Variants in MFSD11 observed in about 807,000 individuals in gnomAD.
The protein encoded by MFSD11 is major facilitator superfamily domain containing 11, also known as UNC93-like protein MFSD11.
In MFSD11, 36 loss-of-function variants were observed where a neutral mutation model predicts 53.5. That is an observed-to-expected ratio of 0.67 (90% CI 0.52 to 0.89). MFSD11 has a LOEUF of 0.89. Among genes scored for constraint, MFSD11 ranks in the 40% least tolerant of loss-of-function variants. The pLI is 0.00. For synonymous variants in MFSD11, 186 were observed against 184.9 expected (o/e 1.01, Z -0.05); for missense variants, 530 against 543.9 (o/e 0.97, Z 0.25).
chr17:76,769,412 C>T (rs1342341174), intron 9 of MFSD11: 1 of 171,938 alleles, frequency 5.8e-6, no homozygotes, highest in East Asian at 1.7e-4. Flanking sequence ...TTTGTTGTCT[C>T]TATTTATAAG....
chr17:76,784,912 A>G (rs533466840), downstream of MFSD11, among the ~76,000 whole-genome samples: 7 of 152,320 alleles, frequency 4.6e-5, no homozygotes, highest in South Asian at 1.5e-3. Context: ...AACAAAACAA[A>G]ACAAAAAAAC....
chr17:76,768,465 C>T (rs77684571), intron 9 of MFSD11, among the ~76,000 whole-genome samples: 2,307 of 152,114 alleles, frequency 0.015, 57 homozygotes, highest in African/African-American at 0.052. Context: ...TTATGTGCCT[C>T]ATAGATACAA....
At chr17:76,767,171 T>G in intron 8 of MFSD11, 3 of 429,582 alleles carry the variant, frequency 7.0e-6, no homozygotes, top group Non-Finnish European at 1.2e-5. Flanking sequence ...GCTGAGGAAA[T>G]GCATCTGTAG....
intron 8 of MFSD11, among the ~76,000 whole-genome samples, chr17:76,759,665 A>G (rs2080002116): frequency 6.7e-6 from 1 of 148,218 alleles, no homozygotes; most frequent in Admixed American, 6.8e-5. Context: ...CACTGTGTTA[A>G]CCAGGATGGT....
chr17:76,737,525 G>C (rs2077584407), upstream of MFSD11: 3 of 292,606 alleles, frequency 1.0e-5, no homozygotes, highest in Non-Finnish European at 1.3e-5. Context: ...CACGGCTGGA[G>C]GGAGGGGGAG....
rs990080367 is a variant in MFSD11, at chr17:76,768,616, G to T, written c.749-1130G>T. The stretch of plus-strand genomic sequence containing the variant: ...GGAATTTTCTTTTCCTAGAAAAAGG[G>T]GTTTAATTAAAACATTATGGTGCTT... On this transcript the variant is annotated intron_variant, in intron 9 of 12. Transcript: ENST00000685175. Among the ~76,000 whole-genome samples, 6 of 151,888 alleles carry T rather than the reference G, an allele frequency of 4.0e-5. No homozygotes were observed. The South Asian group carries it at 6.2e-4, about 16-fold the overall frequency.
downstream of MFSD11, among the ~76,000 whole-genome samples, chr17:76,782,467 G>T (rs556826719): frequency 9.2e-5 from 10 of 108,926 alleles, no homozygotes; most frequent in South Asian, 3.4e-3. Flanking sequence ...GAGCCACCGC[G>T]CCCAGGCTTT....
chr17:76,744,103 G>A (rs977552947), intron 6 of MFSD11, among the ~76,000 whole-genome samples: 2 of 152,192 alleles, frequency 1.3e-5, no homozygotes, highest in African/African-American at 2.4e-5. Context: ...AGGCGATTAA[G>A]CCCTTGTGCT....
At chr17:76,803,254 T>A in the MFSD11 span, among the ~76,000 whole-genome samples, 1 of 152,198 alleles carries the variant, frequency 6.6e-6, no homozygotes, top group Admixed American at 6.6e-5. Flanking sequence ...GAAAGAGATC[T>A]GACCTAACCA....
intron 7 of MFSD11, among the ~76,000 whole-genome samples, chr17:76,748,901 A>C (rs1598541753): frequency 1.0e-4 from 15 of 146,694 alleles, no homozygotes; most frequent in South Asian, 2.2e-4. Context: ...CCTCTCTCCC[A>C]CCCTCCCTTC....
Position 76,779,254 on chromosome 17 carries a change from C to CAAAAAAAAAAAAAAA in MFSD11, c.*908_*922dup, listed in dbSNP as rs943666105. 1 of 48,866 alleles carries CAAAAAAAAAAAAAAA rather than the reference C, an allele frequency of 2.0e-5. No individual in the cohort carries two copies. Among genetic ancestry groups the CAAAAAAAAAAAAAAA allele is most frequent in the African/African-American group, 7.1e-5 (1 of 14,048 alleles). The allele number at this position is 48,866 out of a possible 1,614,324, so 3.0% of individuals were successfully genotyped here. On this transcript the variant is annotated 3_prime_UTR_variant, in exon 13 of 13. Transcript: ENST00000685175. ...GGATGACAAGAGTGAAACTCCATCT[C>CAAAAAAAAAAAAAAA]AAAAAAAAAAAAAAAAAAAAGAAAA...
At position 76,761,698 on chromosome 17, in the gene MFSD11, G is replaced by A. The variant is rs532313439; in HGVS notation, c.683-5688G>A. ...AGCACTTTGGGAGGCCGAGGCGGGCGGATCATGAGGTCAGGAGATCAACAC... is the reference window on the plus strand; with the variant it reads ...AGCACTTTGGGAGGCCGAGGCGGGCAGATCATGAGGTCAGGAGATCAACAC... On this transcript the variant is annotated intron_variant, in intron 8 of 12. Coordinates refer to ENST00000685175, the MANE Select transcript of MFSD11 (RefSeq NM_001242532.5). 1.8e-3 allele frequency among the ~76,000 whole-genome samples: 269 copies of A among 152,054 alleles called. 2 individuals carry two copies. The highest frequency in any genetic ancestry group is 3.6e-3 in the Admixed American group (55 of 15,266).
chr17:76,761,036 T>G (rs2080176718), intron 8 of MFSD11, among the ~76,000 whole-genome samples: 1 of 151,954 alleles, frequency 6.6e-6, no homozygotes, highest in African/African-American at 2.4e-5. Flanking sequence ...AAACCCCATC[T>G]CTACTAAAAA....
chr17:76,784,219 C>G (rs1206312836), downstream of MFSD11, among the ~76,000 whole-genome samples: 1 of 152,206 alleles, frequency 6.6e-6, no homozygotes, highest in African/African-American at 2.4e-5. Context: ...GTCAAAACAA[C>G]TCAAGTTATT....
chr17:76,788,022 G>GT, the MFSD11 span, among the ~76,000 whole-genome samples: 9,457 of 144,090 alleles, frequency 0.066, 1,269 homozygotes, highest in African/African-American at 0.23. Context: ...TTTGTTTGTG[G>GT]TTTTTTTTTT....
chr17:76,744,540 G>C (rs796781581), intron 7 of MFSD11, 74 bp downstream of exon 7: 1 of 1,369,450 alleles, frequency 7.3e-7, no homozygotes, highest in Admixed American at 2.1e-5. Flanking sequence ...TTACCAACCC[G>C]TTTAGCCCTA....
chr17:76,775,265 G>A, intron 11 of MFSD11, 94 bp downstream of exon 11: 1 of 1,165,372 alleles, frequency 8.6e-7, no homozygotes, highest in Non-Finnish European at 1.2e-6. Context: ...CCTCTTCAGA[G>A]AGCCTGGTGT....
downstream of MFSD11, among the ~76,000 whole-genome samples, chr17:76,783,212 T>TA (rs1298506346): frequency 6.6e-6 from 1 of 152,142 alleles, no homozygotes; most frequent in East Asian, 1.9e-4. Flanking sequence ...ATGCTTGTCT[T>TA]ATATATGCTG....
chr17:76,777,561 T>G (rs2081962416), intron 12 of MFSD11, among the ~76,000 whole-genome samples: 1 of 151,790 alleles, frequency 6.6e-6, no homozygotes, highest in East Asian at 1.9e-4. Context: ...TTATTTTATT[T>G]TTTTGTTTCC....
Sources: gnomAD v4.1 joint callset for allele counts (sites outside exome capture counted in the v4.1 genomes callset) on GRCh38, gnomAD v4.1.1 for gene constraint, MANE v1.5 for transcripts, NCBI Gene and HGNC (gene_info 2026-07-23, HGNC 2026-07-21) for gene names.